Variants in SMC5 observed in about 807,000 individuals in gnomAD.
SMC5 encodes structural maintenance of chromosomes 5.
Under a neutral mutation model 148.3 loss-of-function variants are expected in SMC5, and 88 were observed. The observed-to-expected ratio is 0.59, with a 90% CI of 0.50 to 0.71. SMC5 has a LOEUF of 0.71. SMC5 is among the 30% of genes least tolerant of loss of function. The pLI, the probability that SMC5 is intolerant of heterozygous loss-of-function variation, is 0.00. For synonymous variants in SMC5, 421 were observed against 432.8 expected, an observed-to-expected ratio of 0.97 and a Z score of 0.34; for missense variants, 1,142 against 1,298.9, an observed-to-expected ratio of 0.88 and a Z score of 1.86.
chr9:70,304,912 G>A (rs1057160923), intron 10 of SMC5, among the ~76,000 whole-genome samples: 1 of 152,036 alleles, frequency 6.6e-6, no homozygotes, highest in African/African-American at 2.4e-5. Flanking sequence ...AAAGTGTGGG[G>A]AAAGATAAGA....
intron 13 of SMC5, among the ~76,000 whole-genome samples, chr9:70,317,642 C>A (rs2035837698): frequency 6.6e-6 from 1 of 152,152 alleles, no homozygotes; most frequent in Non-Finnish European, 1.5e-5. Flanking sequence ...AGATTGGAAA[C>A]AACCTCTAAA....
intron 17 of SMC5, among the ~76,000 whole-genome samples, chr9:70,341,996 CCAA>C (rs1450956273): frequency 2.5e-4 from 37 of 149,150 alleles, no homozygotes; most frequent in African/African-American, 8.4e-4. Flanking sequence ...ACCCAAATGT[CCAA>C]CAATGATAGA....
At chr9:70,332,255 C>T (rs2036236372) in intron 17 of SMC5, among the ~76,000 whole-genome samples, 1 of 152,056 alleles carries the variant, frequency 6.6e-6, no homozygotes, top group Non-Finnish European at 1.5e-5. Context: ...AGTGTAGTGC[C>T]TCACACTGTA....
chr9:70,302,689 C>T (rs2035392086), intron 10 of SMC5, among the ~76,000 whole-genome samples: 1 of 151,646 alleles, frequency 6.6e-6, no homozygotes, highest in African/African-American at 2.4e-5. Flanking sequence ...AATAAATAAA[C>T]AAACAAATAA....
chr9:70,333,251 C>G (rs1480845205), intron 17 of SMC5, among the ~76,000 whole-genome samples: 1 of 152,200 alleles, frequency 6.6e-6, no homozygotes, highest in Non-Finnish European at 1.5e-5. Context: ...GCCCCACCTA[C>G]AAACAATGAA....
At chr9:70,285,130 A>G (rs1207033945) in intron 7 of SMC5, among the ~76,000 whole-genome samples, 1 of 152,112 alleles carries the variant, frequency 6.6e-6, no homozygotes, top group Admixed American at 6.6e-5. Flanking sequence ...CAGAAAATTA[A>G]TTTTCCTCTA....
chr9:70,271,268 G>T (rs2034444297), intron 3 of SMC5, among the ~76,000 whole-genome samples: 1 of 152,016 alleles, frequency 6.6e-6, no homozygotes, highest in Admixed American at 6.5e-5. Flanking sequence ...CTTTAAAAAA[G>T]TTAATTTTTT....
intron 3 of SMC5, among the ~76,000 whole-genome samples, chr9:70,275,547 T>A (rs546246689): frequency 1.3e-5 from 2 of 152,148 alleles, no homozygotes; most frequent in African/African-American, 2.4e-5. Flanking sequence ...TATTTGATAG[T>A]AATCATTCTC....
At chr9:70,323,752 C>A in intron 16 of SMC5, 146 bp downstream of exon 16, 1 of 999,804 alleles carries the variant, frequency 1.0e-6, no homozygotes, top group South Asian at 1.8e-5. Context: ...TCAGTTTCAG[C>A]TTGCTTAGTT....
chr9:70,331,364 C>T (rs1291808635), intron 17 of SMC5, among the ~76,000 whole-genome samples: 1 of 151,944 alleles, frequency 6.6e-6, no homozygotes, highest in Non-Finnish European at 1.5e-5. Context: ...AATGTGTATA[C>T]CTTATTTTGA....
chr9:70,318,060 C>T (rs1267566365), intron 13 of SMC5, among the ~76,000 whole-genome samples: 4 of 151,858 alleles, frequency 2.6e-5, no homozygotes, highest in South Asian at 2.1e-4. Context: ...TTGTATGGGC[C>T]GCCTTTTTTG....
At chr9:70,264,218 G>T in intron 1 of SMC5, 86 bp from the exon 2 acceptor site, 1 of 1,207,782 alleles carries the variant, frequency 8.3e-7, no homozygotes, top group South Asian at 2.0e-5. Flanking sequence ...GTTTTTAAAG[G>T]AATTTGAGGA....
intron 8 of SMC5, among the ~76,000 whole-genome samples, chr9:70,287,866 A>G (rs2034953106): frequency 6.6e-6 from 1 of 152,190 alleles, no homozygotes. Context: ...AGAAGGAATA[A>G]TCAGTTCTTC....
Position 70,352,560 on chromosome 9 carries a change from T to A in SMC5, c.*229T>A. 1 of 445,864 alleles carries A rather than the reference T, an allele frequency of 2.2e-6. No homozygotes were observed. The highest frequency in any genetic ancestry group is 4.0e-6 in the Non-Finnish European group (1 of 252,556). 27.6% of individuals were successfully genotyped at this position (445,864 alleles called of 1,614,324 possible). ...TTGGTTGAACTTGAGTTCTTGGCAC[T>A]CTGACCATGAGTCATTCAGTTCTCA... On this transcript the variant is annotated 3_prime_UTR_variant, in exon 25 of 25. Coordinates refer to ENST00000361138, the MANE Select transcript of SMC5 (RefSeq NM_015110.4).
At chr9:70,331,744 A>G (rs905040056) in intron 17 of SMC5, among the ~76,000 whole-genome samples, 18 of 152,238 alleles carry the variant, frequency 1.2e-4, no homozygotes, top group Admixed American at 6.5e-5. Context: ...TATAAAAAGT[A>G]AAGCTTCCAT....
At position 70,348,612 on chromosome 9, in the gene SMC5, G is replaced by T. The variant is rs567435819; in HGVS notation, c.2889+574G>T. 2.0e-5 allele frequency among the ~76,000 whole-genome samples: 3 copies of T among 151,984 alleles called. No individual in the cohort carries two copies. The East Asian group carries it at 5.8e-4, about 29-fold the overall frequency. On this transcript the variant is annotated intron_variant, in intron 22 of 24. Coordinates refer to ENST00000361138, the MANE Select transcript of SMC5 (RefSeq NM_015110.4). ...AGGCTGAGGTGCAAGGATGACTTGA[G>T]CCTGGAAGGTGGAGGTTCCAGTGAG...
At chr9:70,290,334 A>T (rs959168388) in intron 8 of SMC5, among the ~76,000 whole-genome samples, 7 of 152,098 alleles carry the variant, frequency 4.6e-5, no homozygotes, top group African/African-American at 1.7e-4. Context: ...TTGGACCATG[A>T]TTTTTTTGGT....
intron 1 of SMC5, among the ~76,000 whole-genome samples, chr9:70,259,739 G>A (rs1003487207): frequency 6.6e-6 from 1 of 152,052 alleles, no homozygotes; most frequent in Admixed American, 6.5e-5. Flanking sequence ...GAGGTTACAG[G>A]TACAAAAAAA....
chr9:70,274,469 C>CTT (rs765932260), intron 3 of SMC5, among the ~76,000 whole-genome samples: 4 of 143,694 alleles, frequency 2.8e-5, no homozygotes, highest in Admixed American at 6.9e-5. Flanking sequence ...TAGTTAGCAG[C>CTT]TTTTTTTTTT....
Sources: gnomAD v4.1 joint callset for allele counts (sites outside exome capture counted in the v4.1 genomes callset) on GRCh38, gnomAD v4.1.1 for gene constraint, MANE v1.5 for transcripts, NCBI Gene and HGNC (gene_info 2026-07-23, HGNC 2026-07-21) for gene names.